Variants in GPR137B observed in about 807,000 individuals in gnomAD.
GPR137B encodes G protein-coupled receptor 137B.
GPR137B carries 42 observed loss-of-function variants against 42.5 expected under a neutral mutation model. The observed-to-expected ratio is 0.99, with a 90% CI of 0.77 to 1.28. The LOEUF (loss-of-function observed/expected upper bound fraction) is 1.28, where lower values mean the gene tolerates loss of function less well. GPR137B is among the 50% of genes most tolerant of loss of function. GPR137B has a pLI of 0.00. For missense variants in GPR137B, 487 were observed against 493.9 expected (o/e 0.99, Z 0.13); for synonymous variants, 218 against 209.7 (o/e 1.04, Z -0.34).
At chr1:236,165,505 CT>C (rs1433426309) in intron 1 of GPR137B, among the ~76,000 whole-genome samples, 9 of 152,272 alleles carry the variant, frequency 5.9e-5, no homozygotes, top group Non-Finnish European at 5.9e-5. Context: ...CAGTGCATTG[CT>C]TGATCTGTGT....
chr1:236,152,763 AAAC>A (rs1389658707), intron 1 of GPR137B, among the ~76,000 whole-genome samples: 1 of 151,850 alleles, frequency 6.6e-6, no homozygotes, highest in South Asian at 2.1e-4. Context: ...TCAAAAAGAA[AAAC>A]AATGTATTGG....
In GPR137B at chr1:236,195,838, T is replaced by C. The variant is rs536316818; in HGVS notation, c.967-9288T>C. On this transcript the variant is annotated intron_variant, in intron 5 of 6. Coordinates refer to ENST00000366592, the MANE Select transcript of GPR137B (RefSeq NM_003272.4). ...ATCTCACTGTAGTTTTGATTTGCAT[T>C]TCTCTGATGATCATTGATGAACACT... is the stretch of plus-strand genomic sequence containing the variant. 6.6e-5 allele frequency among the ~76,000 whole-genome samples: 10 copies of C among 152,334 alleles called. No homozygotes were observed. The South Asian group carries it at 1.0e-3, about 16-fold the overall frequency.
intron 6 of GPR137B, among the ~76,000 whole-genome samples, chr1:236,206,243 A>C (rs1197793605): frequency 2.6e-5 from 4 of 152,228 alleles, no homozygotes; most frequent in Admixed American, 2.6e-4. Context: ...TATTAGCCTC[A>C]TAATACAGAT....
At chr1:236,194,345 G>A (rs988837326) in intron 5 of GPR137B, among the ~76,000 whole-genome samples, 3 of 151,920 alleles carry the variant, frequency 2.0e-5, no homozygotes, top group African/African-American at 7.3e-5. Flanking sequence ...GTTATTTTTT[G>A]TATATGGTGT....
rs558818809 is a variant in GPR137B, at chr1:236,195,901, C to T, written c.967-9225C>T. Among the ~76,000 whole-genome samples the T allele has an allele frequency of 9.9e-5, 15 of 152,206 alleles. No individual in the cohort carries two copies. In the South Asian group the frequency reaches 2.3e-3, roughly 23 times the overall value. ...TGTTTGCCATCTGTATGTTGCCTTT[C>T]GAGAAATGTCTGTTCAAATCTTTTG... is the stretch of plus-strand genomic sequence containing the variant. On this transcript the variant is annotated intron_variant, in intron 5 of 6. Coordinates refer to ENST00000366592, the MANE Select transcript of GPR137B (RefSeq NM_003272.4).
At chr1:236,179,529 C>G (rs979724461) in intron 3 of GPR137B, among the ~76,000 whole-genome samples, 4 of 152,306 alleles carry the variant, frequency 2.6e-5, no homozygotes, top group African/African-American at 9.6e-5. Flanking sequence ...CCCGGGCTCA[C>G]CTGCTGCGTG....
At chr1:236,173,101 G>GT (rs1313743960) in intron 2 of GPR137B, among the ~76,000 whole-genome samples, 1 of 151,324 alleles carries the variant, frequency 6.6e-6, no homozygotes, top group African/African-American at 2.4e-5. Context: ...AAGACCAGCC[G>GT]TGACAACAGA....
intron 1 of GPR137B, among the ~76,000 whole-genome samples, chr1:236,146,842 C>T (rs763836064): frequency 2.0e-5 from 3 of 152,184 alleles, no homozygotes; most frequent in African/African-American, 4.8e-5. Context: ...ATTTTGGAGT[C>T]TGGCTCTGTC....
chr1:236,153,150 C>T (rs1433750731), intron 1 of GPR137B, among the ~76,000 whole-genome samples: 1 of 151,988 alleles, frequency 6.6e-6, no homozygotes, highest in Non-Finnish European at 1.5e-5. Context: ...TGAAATTAAC[C>T]ATTGAATGCA....
intron 2 of GPR137B, among the ~76,000 whole-genome samples, chr1:236,175,446 T>C (rs1662658277): frequency 6.6e-6 from 1 of 152,030 alleles, no homozygotes; most frequent in Non-Finnish European, 1.5e-5. Flanking sequence ...ATCTGGAAAA[T>C]GTAAGTGGCC....
At chr1:236,164,767 A>G (rs1662300021) in intron 1 of GPR137B, among the ~76,000 whole-genome samples, 1 of 152,170 alleles carries the variant, frequency 6.6e-6, no homozygotes, top group South Asian at 2.1e-4. Context: ...TATATATATA[A>G]TTTCAGTTTC....
At chr1:236,144,081 A>C (rs935390822) in intron 1 of GPR137B, among the ~76,000 whole-genome samples, 3 of 109,936 alleles carry the variant, frequency 2.7e-5, no homozygotes, top group Non-Finnish European at 5.2e-5. Context: ...ATTCCTTTTA[A>C]GTGTCTTTTT....
chr1:236,143,225 T>G (rs564527161), intron 1 of GPR137B, among the ~76,000 whole-genome samples, 189 bp downstream of exon 1: 1 of 152,214 alleles, frequency 6.6e-6, no homozygotes, highest in Non-Finnish European at 1.5e-5. Context: ...GGAAACCCCC[T>G]GCCATTCCCA....
rs529057352 is a variant in GPR137B, at chr1:236,187,186, G to T, written c.966+3280G>T. ...CCTTTGCCCACTTTTTGATGGGGTT[G>T]TTTTTTTCCTGTAAATTTAAGTTCT... On this transcript the variant is annotated intron_variant, in intron 5 of 6. Coordinates refer to ENST00000366592, the MANE Select transcript of GPR137B (RefSeq NM_003272.4). Among the ~76,000 whole-genome samples the T allele has an allele frequency of 1.2e-3, 175 of 151,940 alleles. 3 individuals are homozygous for T. The South Asian group carries it at 0.02, about 17-fold the overall frequency.
chr1:236,208,411 ATGTATTT>A lies in GPR137B; in HGVS notation c.*259_*265del. 1 of 1,058,906 alleles carries A rather than the reference ATGTATTT, an allele frequency of 9.4e-7. No individual in the cohort carries two copies. Among genetic ancestry groups the A allele is most frequent in the African/African-American group, 1.6e-5 (1 of 61,568 alleles). The allele number at this position is 1,058,906 out of a possible 1,614,324, so 65.6% of individuals were successfully genotyped here. A position where few individuals can be genotyped will look rare whatever the true frequency, so the allele number is the denominator to read the frequency against. Reference sequence around the variant, plus strand: ...AAAGAAAATCTGTACTTTTATAAAGATGTATTTTGTATAACTTAAATAATAATGCTAA... The same window carrying A: ...AAAGAAAATCTGTACTTTTATAAAGATGTATAACTTAAATAATAATGCTAA... On this transcript the variant is annotated 3_prime_UTR_variant, in exon 7 of 7. Coordinates refer to ENST00000366592, the MANE Select transcript of GPR137B (RefSeq NM_003272.4).
intron 1 of GPR137B, among the ~76,000 whole-genome samples, chr1:236,153,103 TAAA>T (rs1054136922): frequency 3.4e-5 from 5 of 147,488 alleles, no homozygotes; most frequent in Non-Finnish European, 7.5e-5. Context: ...AAAAACCAAA[TAAA>T]AAAAAGACGT....
rs1321465667 is a variant in GPR137B, at chr1:236,155,466, G to A, written c.414+12430G>A. Among the ~76,000 whole-genome samples the A allele has an allele frequency of 2.0e-5, 3 of 152,220 alleles. No individual in the cohort carries two copies. Among genetic ancestry groups the A allele is most frequent in the Non-Finnish European group, 4.4e-5 (3 of 68,044 alleles). ...AAGAGACAATTCAGAAAAGCAGGGA[G>A]ACTGAAGGACGGCGTTTGGTGTGGC... On this transcript the variant is annotated intron_variant, in intron 1 of 6. Transcript: ENST00000366592. The surrounding 1 kb of genome is among the most constrained non-coding windows in gnomAD (Gnocchi z 4.6).
intron 5 of GPR137B, among the ~76,000 whole-genome samples, chr1:236,193,311 T>C (rs58736930): frequency 0.17 from 25,848 of 152,232 alleles, 2,559 homozygotes; most frequent in African/African-American, 0.25. Context: ...CATTTGGCTA[T>C]GATGAATAAG....
At chr1:236,205,291 G>C (rs1279577262) in intron 6 of GPR137B, 41 bp downstream of exon 6, 16 of 1,575,140 alleles carry the variant, frequency 1.0e-5, no homozygotes, top group Non-Finnish European at 1.4e-5. Flanking sequence ...CATCAGGAGG[G>C]AAGGGTTACA....
Sources: allele counts gnomAD v4.1 joint callset (sites outside exome capture counted in the v4.1 genomes callset), GRCh38; gene constraint gnomAD v4.1.1; non-coding constraint Gnocchi (gnomAD v3.1); transcripts MANE v1.5; gene names NCBI Gene and HGNC (gene_info 2026-07-23, HGNC 2026-07-21).